RAB3C: variants seen among roughly 807,000 people sequenced by gnomAD.
The protein encoded by RAB3C is RAB3C, member RAS oncogene family, also known as ras-related protein Rab-3C.
Under a neutral mutation model 26.4 loss-of-function variants are expected in RAB3C, and 17 were observed. That is an observed-to-expected ratio of 0.64 (90% CI 0.44 to 0.97). The LOEUF is 0.97. Among genes scored for constraint, RAB3C ranks in the 50% least tolerant of loss-of-function variants. The pLI is 0.00. For synonymous variants in RAB3C, 91 were observed against 95.9 expected, an observed-to-expected ratio of 0.95 and a Z score of 0.30; for missense variants, 242 against 281.9, an observed-to-expected ratio of 0.86 and a Z score of 1.01.
At chr5:58,715,170 CT>C (rs1372551377) in intron 2 of RAB3C, among the ~76,000 whole-genome samples, 1 of 151,826 alleles carries the variant, frequency 6.6e-6, no homozygotes, top group Non-Finnish European at 1.5e-5. Flanking sequence ...TTAAATTATA[CT>C]TTTGTCTTCT....
chr5:58,748,107 C>T (rs1283547533), intron 3 of RAB3C, among the ~76,000 whole-genome samples: 1 of 151,906 alleles, frequency 6.6e-6, no homozygotes, highest in Non-Finnish European at 1.5e-5. Context: ...ATCCTCAATA[C>T]TTGTTGTTCA....
intron 1 of RAB3C, among the ~76,000 whole-genome samples, chr5:58,588,303 A>T (rs1746054294): frequency 6.6e-6 from 1 of 152,180 alleles, no homozygotes; most frequent in South Asian, 2.1e-4. Context: ...AAGTGGGAGG[A>T]CCGGCAATTC....
intron 3 of RAB3C, among the ~76,000 whole-genome samples, chr5:58,742,564 C>T (rs1180053924): frequency 6.6e-6 from 1 of 152,202 alleles, no homozygotes; most frequent in Non-Finnish European, 1.5e-5. Flanking sequence ...AAACCCAGCA[C>T]TTCCTAATTG....
At chr5:58,610,069 A>C (rs549037451) in intron 1 of RAB3C, among the ~76,000 whole-genome samples, 1 of 152,184 alleles carries the variant, frequency 6.6e-6, no homozygotes, top group Non-Finnish European at 1.5e-5. Flanking sequence ...GACTTTTACC[A>C]GGAGAAATCG....
At chr5:58,719,716 T>C (rs1740701649) in intron 2 of RAB3C, among the ~76,000 whole-genome samples, 1 of 151,972 alleles carries the variant, frequency 6.6e-6, no homozygotes, top group Admixed American at 6.6e-5. Flanking sequence ...GGCCAGTCTC[T>C]GCCTCTGCCT....
chr5:58,701,205 G>A (rs934251355), intron 2 of RAB3C, among the ~76,000 whole-genome samples: 1 of 152,056 alleles, frequency 6.6e-6, no homozygotes, highest in Non-Finnish European at 1.5e-5. Flanking sequence ...GTTTCACCAT[G>A]TTAGCCAGGA....
chr5:58,642,023 G>A (rs1298868096), intron 2 of RAB3C, among the ~76,000 whole-genome samples: 1 of 152,184 alleles, frequency 6.6e-6, no homozygotes, highest in African/African-American at 2.4e-5. Context: ...AAGGACAATA[G>A]TAGTAACACC....
intron 2 of RAB3C, among the ~76,000 whole-genome samples, chr5:58,675,090 C>T (rs748034275): frequency 2.0e-5 from 3 of 152,014 alleles, no homozygotes; most frequent in African/African-American, 7.3e-5. Flanking sequence ...TTTTCTTTTC[C>T]TAAGTACTTT....
At chr5:58,770,861 T>C (rs1250163452) in intron 3 of RAB3C, among the ~76,000 whole-genome samples, 1 of 152,230 alleles carries the variant, frequency 6.6e-6, no homozygotes, top group African/African-American at 2.4e-5. Flanking sequence ...TAGGAAGAGA[T>C]TGGATTCTGA....
At chr5:58,743,737 A>G (rs1741331356) in intron 3 of RAB3C, among the ~76,000 whole-genome samples, 1 of 152,166 alleles carries the variant, frequency 6.6e-6, no homozygotes, top group Non-Finnish European at 1.5e-5. Context: ...TGCAAAGGAC[A>G]CAGCATCAGG....
intron 3 of RAB3C, among the ~76,000 whole-genome samples, chr5:58,815,964 A>T (rs754498719): frequency 5.9e-5 from 9 of 152,208 alleles, no homozygotes; most frequent in Non-Finnish European, 8.8e-5. Context: ...TTTTAGACAG[A>T]TGGTACATGT....
At chr5:58,805,922 T>A (rs1742931212) in intron 3 of RAB3C, among the ~76,000 whole-genome samples, 1 of 152,206 alleles carries the variant, frequency 6.6e-6, no homozygotes, top group African/African-American at 2.4e-5. Flanking sequence ...GTTTCTAACA[T>A]AATTATTTTA....
intron 3 of RAB3C, among the ~76,000 whole-genome samples, chr5:58,784,038 G>T (rs380346): frequency 0.68 from 103,520 of 151,930 alleles, 35,560 homozygotes; most frequent in African/African-American, 0.77. Flanking sequence ...ATTGTGCCTG[G>T]TTCTCATCCT....
chr5:58,619,065 C>G (rs954236081), intron 2 of RAB3C, among the ~76,000 whole-genome samples: 1 of 152,102 alleles, frequency 6.6e-6, no homozygotes, highest in Non-Finnish European at 1.5e-5. Flanking sequence ...TCCTAAAGGT[C>G]TTATTAAAGT....
chr5:58,677,122 T>G (rs1370524547), intron 2 of RAB3C, among the ~76,000 whole-genome samples: 11 of 152,202 alleles, frequency 7.2e-5, no homozygotes, highest in Admixed American at 7.2e-4. Flanking sequence ...ACTCCAGTCT[T>G]CACGTGGTGT....
At chr5:58,676,814 A>G (rs1748240221) in intron 2 of RAB3C, among the ~76,000 whole-genome samples, 1 of 152,158 alleles carries the variant, frequency 6.6e-6, no homozygotes, top group Non-Finnish European at 1.5e-5. Flanking sequence ...TTTGTCATGC[A>G]GACTTTTTTT....
At chr5:58,803,749 C>T (rs1380517951) in intron 3 of RAB3C, among the ~76,000 whole-genome samples, 1 of 152,140 alleles carries the variant, frequency 6.6e-6, no homozygotes, top group Admixed American at 6.5e-5. Context: ...TCAGTCTGTT[C>T]TCTGGGCTTC....
intron 2 of RAB3C, chr5:58,644,461 T>G (rs1395026140): frequency 6.6e-6 from 1 of 152,092 alleles, no homozygotes; most frequent in Non-Finnish European, 1.5e-5. Context: ...TACAAATAAC[T>G]CATAATTATG....
At chr5:58,722,355 G>A (rs1003877362) in intron 2 of RAB3C, among the ~76,000 whole-genome samples, 4 of 151,410 alleles carry the variant, frequency 2.6e-5, no homozygotes, top group African/African-American at 9.7e-5. Flanking sequence ...CTATTGTAGT[G>A]CAGAGAAGGC....
Sources: allele counts gnomAD v4.1 joint callset (sites outside exome capture counted in the v4.1 genomes callset), GRCh38; gene constraint gnomAD v4.1.1; transcripts MANE v1.5; gene names NCBI Gene and HGNC (gene_info 2026-07-23, HGNC 2026-07-21).